Variants in MARCHF4 observed in about 807,000 individuals in gnomAD.
MARCHF4 encodes membrane associated ring-CH-type finger 4, also known as E3 ubiquitin-protein ligase MARCHF4.
A neutral mutation model predicts 43.9 loss-of-function variants in MARCHF4; 14 were observed. The observed-to-expected ratio is 0.32, with a 90% CI of 0.21 to 0.50. MARCHF4 has a LOEUF of 0.50. Ranked by LOEUF, MARCHF4 falls within the 20% of genes least tolerant of loss-of-function variation. The probability of loss-of-function intolerance (pLI) is 0.98; values close to 1 mark genes in which losing one functional copy is unlikely to be tolerated. For missense variants in MARCHF4, 468 were observed against 536.7 expected, an observed-to-expected ratio of 0.87 and a Z score of 1.27; for synonymous variants, 226 against 213.3, an observed-to-expected ratio of 1.06 and a Z score of -0.52.
chr2:216,331,273 T>C (rs1334631391), intron 1 of MARCHF4, among the ~76,000 whole-genome samples: 2 of 151,912 alleles, frequency 1.3e-5, no homozygotes, highest in African/African-American at 4.8e-5. Context: ...TGGAAAACTT[T>C]CTAGAAAAGC....
At chr2:216,283,097 C>G (rs1691157399) in intron 2 of MARCHF4, among the ~76,000 whole-genome samples, 2 of 152,178 alleles carry the variant, frequency 1.3e-5, no homozygotes, top group South Asian at 4.1e-4. Context: ...CTTATTTCTT[C>G]TTTACCAGCC....
chr2:216,270,965 C>T (rs919493909), intron 3 of MARCHF4, among the ~76,000 whole-genome samples: 1 of 152,224 alleles, frequency 6.6e-6, no homozygotes, highest in Non-Finnish European at 1.5e-5. Context: ...TTCTGTCCAC[C>T]TCTGACCCAT....
chr2:216,340,610 C>T, intron 1 of MARCHF4, among the ~76,000 whole-genome samples: 1 of 152,184 alleles, frequency 6.6e-6, no homozygotes, highest in Non-Finnish European at 1.5e-5. Flanking sequence ...TACCCTTGGT[C>T]CAGCCTCCCA....
chr2:216,302,258 A>C (rs1450379073), intron 1 of MARCHF4, among the ~76,000 whole-genome samples: 1 of 152,040 alleles, frequency 6.6e-6, no homozygotes, highest in Non-Finnish European at 1.5e-5. Context: ...TCGCTCTGTC[A>C]CCCAGGCTGG....
chr2:216,281,023 A>G (rs935127288), intron 2 of MARCHF4, among the ~76,000 whole-genome samples: 4 of 147,910 alleles, frequency 2.7e-5, no homozygotes, highest in Non-Finnish European at 4.5e-5. Context: ...ATGATGCCCC[A>G]TGTGACACAG....
At chr2:216,263,475 G>T (rs1349754283) in intron 3 of MARCHF4, among the ~76,000 whole-genome samples, 1 of 146,444 alleles carries the variant, frequency 6.8e-6, no homozygotes, top group East Asian at 2.0e-4. Flanking sequence ...AAGAGAAAGA[G>T]AGAAAGAAGG....
Position 216,259,856 on chromosome 2 carries a change from G to A in MARCHF4, c.866-177C>T. On this transcript the variant is annotated intron_variant, in intron 3 of 3. Coordinates refer to ENST00000273067, the MANE Select transcript of MARCHF4 (RefSeq NM_020814.3). ...AAGTTCCAGTAGGCAGAAGGTGGAG[G>A]GGCCACCAGACCGAGTCCATGAAAT... The A allele has an allele frequency of 3.2e-6, 2 of 631,572 alleles. 1 individual carries two copies. The highest frequency in any genetic ancestry group is 5.4e-6 in the Non-Finnish European group (2 of 369,504). 39.1% of individuals were successfully genotyped at this position (631,572 alleles called of 1,614,324 possible).
intron 3 of MARCHF4, among the ~76,000 whole-genome samples, chr2:216,259,954 C>G (rs138601451): frequency 0.014 from 2,063 of 152,314 alleles, 19 homozygotes; most frequent in Admixed American, 0.028. Flanking sequence ...CGACAAAATC[C>G]AAATTCATCC....
chr2:216,309,003 T>G (rs1173430425), intron 1 of MARCHF4, among the ~76,000 whole-genome samples: 1 of 152,202 alleles, frequency 6.6e-6, no homozygotes, highest in African/African-American at 2.4e-5. Flanking sequence ...ATGGTTATCA[T>G]GGTCAAAATG....
At chr2:216,331,214 T>C (rs921496887) in intron 1 of MARCHF4, among the ~76,000 whole-genome samples, 6 of 152,098 alleles carry the variant, frequency 3.9e-5, no homozygotes, top group African/African-American at 7.2e-5. Flanking sequence ...AAGAAGTTAA[T>C]AGACTATTAC....
intron 3 of MARCHF4, among the ~76,000 whole-genome samples, chr2:216,268,696 G>C (rs1396453011): frequency 6.6e-6 from 1 of 152,142 alleles, no homozygotes; most frequent in Non-Finnish European, 1.5e-5. Context: ...AGCTATTCTG[G>C]TCTTCAGACC....
intron 1 of MARCHF4, among the ~76,000 whole-genome samples, chr2:216,323,146 C>T (rs1198013847): frequency 6.6e-6 from 1 of 151,802 alleles, no homozygotes; most frequent in Admixed American, 6.6e-5. Flanking sequence ...AAACTGATAC[C>T]CTAGTAAGTT....
chr2:216,333,960 AT>A (rs72435745), intron 1 of MARCHF4, among the ~76,000 whole-genome samples: 15,720 of 143,616 alleles, frequency 0.11, 1,180 homozygotes, highest in African/African-American at 0.22. Context: ...GGCTGAAGTA[AT>A]TTTTTTTTTT....
At chr2:216,368,539 A>G (rs1692702818) in intron 1 of MARCHF4, among the ~76,000 whole-genome samples, 1 of 152,202 alleles carries the variant, frequency 6.6e-6, no homozygotes, top group Non-Finnish European at 1.5e-5. Flanking sequence ...GTCCATTGAG[A>G]GCAAAGCAAG....
chr2:216,323,294 C>A (rs1004318375), intron 1 of MARCHF4, among the ~76,000 whole-genome samples: 3 of 152,064 alleles, frequency 2.0e-5, no homozygotes, highest in Admixed American at 1.3e-4. Flanking sequence ...TTCCAGATAC[C>A]AGTTGGAGAG....
At chr2:216,353,852 G>A (rs148697998) in intron 1 of MARCHF4, among the ~76,000 whole-genome samples, 1 of 152,094 alleles carries the variant, frequency 6.6e-6, no homozygotes, top group Non-Finnish European at 1.5e-5. Flanking sequence ...CTGGCCTCCA[G>A]TTTCTCACTT....
Position 216,370,162 on chromosome 2 carries a change from G to GAGA in MARCHF4, c.98_99insTCT (p.Arg33_His34insLeu). 1.2e-6 allele frequency: 2 copies of GAGA among 1,611,144 alleles called. No homozygotes were observed. Among genetic ancestry groups the GAGA allele is most frequent in the Non-Finnish European group, 1.7e-6 (2 of 1,178,954 alleles). On this transcript the variant is annotated inframe_insertion, in exon 1 of 4. Coordinates refer to ENST00000273067, the MANE Select transcript of MARCHF4 (RefSeq NM_020814.3). ...AGCGGCACTTGAGGAGACCCTGGTG[G>GAGA]CGCAACATCTGGGGGGCTGGGGCAC...
At position 216,342,700 on chromosome 2, in the gene MARCHF4, G is replaced by T. The variant is rs934117446; in HGVS notation, c.516+27045C>A. Among the ~76,000 whole-genome samples the T allele has an allele frequency of 8.5e-5, 13 of 152,280 alleles. 1 individual carries two copies. The highest frequency in any genetic ancestry group is 6.8e-3 in the Middle Eastern group (2 of 294). ...ACTCAGAGACCCCCTAGGAGGGGCT[G>T]AGGTTTTGTTTTCTATGATCCTGCA... On this transcript the variant is annotated intron_variant, in intron 1 of 3. Transcript: ENST00000273067.
intron 1 of MARCHF4, among the ~76,000 whole-genome samples, chr2:216,297,013 A>C (rs1478134924): frequency 6.6e-6 from 1 of 152,108 alleles, no homozygotes; most frequent in Non-Finnish European, 1.5e-5. Context: ...AGTTCTTTTC[A>C]CACCTCTCAA....
Sources: gnomAD v4.1 joint callset for allele counts (sites outside exome capture counted in the v4.1 genomes callset) on GRCh38, gnomAD v4.1.1 for gene constraint, MANE v1.5 for transcripts, NCBI Gene and HGNC (gene_info 2026-07-23, HGNC 2026-07-21) for gene names.